The following SAE1 variants were observed in gnomAD, a reference collection of about 807,000 sequenced individuals.
SAE1 encodes SUMO-activating enzyme subunit 1.
In SAE1, 11 loss-of-function variants were observed where a neutral mutation model predicts 40.6. The observed-to-expected ratio is 0.27, with a 90% CI of 0.17 to 0.45. The LOEUF is 0.45. Ranked by LOEUF, SAE1 falls within the 20% of genes least tolerant of loss-of-function variation. SAE1 has a pLI of 1.00. For missense variants in SAE1, 373 were observed against 427.3 expected (o/e 0.87, Z 1.12); for synonymous variants, 155 against 154.3 (o/e 1.00, Z -0.03).
In SAE1 at chr19:47,209,328, G is replaced by A; in HGVS notation, c.*77G>A. The A allele has an allele frequency of 1.2e-6, 2 of 1,605,446 alleles. No individual in the cohort carries two copies. Among genetic ancestry groups the A allele is most frequent in the Non-Finnish European group, 1.7e-6 (2 of 1,174,756 alleles). On this transcript the variant is annotated 3_prime_UTR_variant, in exon 9 of 9. Transcript: ENST00000270225. The stretch of plus-strand genomic sequence containing the variant: ...TTCCCTGTCCCCTTCCTTCATGAAG[G>A]CATCTCCAGGCAAGGAAAACTGAAG...
At chr19:47,180,692 G>T (rs1008563021) in intron 6 of SAE1, among the ~76,000 whole-genome samples, 4 of 152,064 alleles carry the variant, frequency 2.6e-5, no homozygotes, top group Admixed American at 6.6e-5. Flanking sequence ...ATACAGTGGT[G>T]CATGCATGTA....
intron 5 of SAE1, among the ~76,000 whole-genome samples, chr19:47,169,022 C>A (rs1396053424): frequency 6.6e-6 from 1 of 152,146 alleles, no homozygotes; most frequent in Non-Finnish European, 1.5e-5. Flanking sequence ...AAATGCTGTT[C>A]CTGTTTCCAC....
chr19:47,144,025 A>T (rs1275881882), intron 2 of SAE1, among the ~76,000 whole-genome samples: 2 of 152,150 alleles, frequency 1.3e-5, no homozygotes, highest in Non-Finnish European at 2.9e-5. Flanking sequence ...CGAGCTCAGG[A>T]GTATGTGCAT....
chr19:47,175,287 A>G (rs1032662424), intron 6 of SAE1, among the ~76,000 whole-genome samples: 7 of 151,940 alleles, frequency 4.6e-5, no homozygotes, highest in African/African-American at 1.5e-4. Context: ...TCTTGTGACA[A>G]TCTTTGAAGT....
At chr19:47,176,942 T>C (rs1376983060) in intron 6 of SAE1, among the ~76,000 whole-genome samples, 1 of 152,202 alleles carries the variant, frequency 6.6e-6, no homozygotes, top group Non-Finnish European at 1.5e-5. Flanking sequence ...TGTGAGTTTA[T>C]CATAACAGGA....
intron 7 of SAE1, among the ~76,000 whole-genome samples, chr19:47,198,112 C>T (rs543841804): frequency 8.0e-4 from 122 of 151,860 alleles, no homozygotes; most frequent in Non-Finnish European, 1.5e-3. Flanking sequence ...ATCTCTCTCT[C>T]TCTTTTTTTT....
chr19:47,203,565 C>T (rs1321128098), intron 7 of SAE1, 106 bp from the exon 8 acceptor site: 3 of 944,756 alleles, frequency 3.2e-6, no homozygotes, highest in African/African-American at 3.3e-5. Flanking sequence ...GGCCCTCCTG[C>T]TAGAAGTTGT....
At chr19:47,133,413 G>A (rs1348972738) in intron 1 of SAE1, among the ~76,000 whole-genome samples, 1 of 152,180 alleles carries the variant, frequency 6.6e-6, no homozygotes, top group African/African-American at 2.4e-5. Flanking sequence ...TTTTAGTAGA[G>A]ACGGGGTTTC....
intron 4 of SAE1, among the ~76,000 whole-genome samples, chr19:47,154,534 G>T (rs531878262): frequency 1.9e-5 from 2 of 104,768 alleles, no homozygotes; most frequent in African/African-American, 7.4e-5. Context: ...TCACTCAGTT[G>T]CCCAGGCTGG....
At chr19:47,147,915 C>T (rs981452476) in intron 2 of SAE1, among the ~76,000 whole-genome samples, 11 of 151,894 alleles carry the variant, frequency 7.2e-5, no homozygotes, top group Non-Finnish European at 1.3e-4. Flanking sequence ...CCCACCACCA[C>T]GCCTGGCTAA....
At chr19:47,151,325 A>G (rs2058286497) in intron 3 of SAE1, among the ~76,000 whole-genome samples, 1 of 151,548 alleles carries the variant, frequency 6.6e-6, no homozygotes, top group Non-Finnish European at 1.5e-5. Flanking sequence ...AATTTTTTGT[A>G]TTTTTAGTAG....
At chr19:47,171,522 G>C (rs1404338369) in intron 6 of SAE1, among the ~76,000 whole-genome samples, 2 of 152,046 alleles carry the variant, frequency 1.3e-5, no homozygotes, top group Non-Finnish European at 2.9e-5. Flanking sequence ...CGTGATCTTG[G>C]CTCACTGCAA....
At chr19:47,177,105 C>T (rs1164243189) in intron 6 of SAE1, among the ~76,000 whole-genome samples, 3 of 152,194 alleles carry the variant, frequency 2.0e-5, no homozygotes, top group African/African-American at 7.2e-5. Context: ...CTTGCTCAGT[C>T]TCTGTTCTGA....
chr19:47,171,898 A>G (rs1314306101), intron 6 of SAE1, among the ~76,000 whole-genome samples: 1 of 150,542 alleles, frequency 6.6e-6, no homozygotes, highest in East Asian at 2.0e-4. Flanking sequence ...AGTTTTTTAA[A>G]AAGTATTTTT....
chr19:47,192,397 C>T (rs1023392035), intron 6 of SAE1, among the ~76,000 whole-genome samples: 5 of 151,922 alleles, frequency 3.3e-5, no homozygotes, highest in African/African-American at 4.8e-5. Flanking sequence ...TAAAAGCGTC[C>T]GCCACCATGC....
intron 1 of SAE1, among the ~76,000 whole-genome samples, chr19:47,142,260 T>C (rs755805051): frequency 6.6e-6 from 1 of 151,850 alleles, no homozygotes; most frequent in Non-Finnish European, 1.5e-5. Flanking sequence ...AGTAGGCGCC[T>C]GTAATCCCAG....
At chr19:47,131,718 T>TTTTG in intron 1 of SAE1, among the ~76,000 whole-genome samples, 1 of 133,968 alleles carries the variant, frequency 7.5e-6, no homozygotes, top group African/African-American at 2.7e-5. Context: ...TTTTTTTTTT[T>TTTTG]TTGAGATAGT....
intron 5 of SAE1, among the ~76,000 whole-genome samples, chr19:47,167,176 A>G (rs2058398741): frequency 6.6e-6 from 1 of 151,344 alleles, no homozygotes; most frequent in African/African-American, 2.4e-5. Flanking sequence ...CTGGTCTCCA[A>G]TTCCTGACCT....
At chr19:47,150,158 C>A (rs767555096) in intron 2 of SAE1, 44 bp from the exon 3 acceptor site, 3 of 1,284,924 alleles carry the variant, frequency 2.3e-6, no homozygotes, top group East Asian at 2.7e-5. Flanking sequence ...GATTTATTTT[C>A]CCTAAAAATA....
Sources: gnomAD v4.1 joint callset for allele counts (sites outside exome capture counted in the v4.1 genomes callset) on GRCh38, gnomAD v4.1.1 for gene constraint, MANE v1.5 for transcripts, NCBI Gene and HGNC (gene_info 2026-07-23, HGNC 2026-07-21) for gene names.